The following DCC variants were observed in gnomAD, a reference collection of about 807,000 sequenced individuals.
DCC encodes the protein DCC netrin 1 receptor.
DCC carries 58 observed loss-of-function variants against 172.5 expected under a neutral mutation model. The ratio of observed to expected loss-of-function variants is 0.34; its 90% CI spans 0.27 to 0.42. DCC has a LOEUF of 0.42. Among genes scored for constraint, DCC ranks in the 10% least tolerant of loss-of-function variants. The probability of loss-of-function intolerance (pLI) is 1.00; values close to 1 mark genes in which losing one functional copy is unlikely to be tolerated. For synonymous variants in DCC, 709 were observed against 644.5 expected, an observed-to-expected ratio of 1.10 and a Z score of -1.52; for missense variants, 1,740 against 1,791.0, an observed-to-expected ratio of 0.97 and a Z score of 0.51.
chr18:52,866,895 G>T (rs890725701), intron 2 of DCC, among the ~76,000 whole-genome samples: 6 of 151,942 alleles, frequency 3.9e-5, no homozygotes, highest in Non-Finnish European at 8.8e-5. Flanking sequence ...TGATTGCCCT[G>T]GCCAGCACTT....
chr18:52,687,312 C>G (rs1374862014), intron 1 of DCC, among the ~76,000 whole-genome samples: 1 of 120,474 alleles, frequency 8.3e-6, no homozygotes, highest in Non-Finnish European at 1.6e-5. Flanking sequence ...GAGAGTAAGT[C>G]TTGCTCTTGT....
chr18:53,156,152 C>A (rs190084352), intron 7 of DCC, among the ~76,000 whole-genome samples: 1 of 152,246 alleles, frequency 6.6e-6, no homozygotes, highest in Non-Finnish European at 1.5e-5. Flanking sequence ...ATCTTTTCTA[C>A]TATGAAACAT....
chr18:52,864,715 G>A (rs2039193665), intron 2 of DCC, among the ~76,000 whole-genome samples: 1 of 151,654 alleles, frequency 6.6e-6, no homozygotes, highest in Admixed American at 6.6e-5. Context: ...CCCAGTGTGT[G>A]TTGTTCCCCT....
rs534988286 is a variant in DCC at position 53,341,781 on chromosome 18, G to A, written c.2359+1874G>A. Among the ~76,000 whole-genome samples the A allele has an allele frequency of 1.6e-4, 24 of 152,158 alleles. No individual in the cohort carries two copies. In the South Asian group the frequency reaches 5.0e-3, roughly 32 times the overall value. On this transcript the variant is annotated intron_variant, in intron 15 of 28. Transcript: ENST00000442544. Reference sequence around the variant, plus strand: ...AAGCTCTAATCTTTATAAAGATAAGGATTTATTCAAGTCCACGTTCATGCT... The same window carrying A: ...AAGCTCTAATCTTTATAAAGATAAGAATTTATTCAAGTCCACGTTCATGCT...
chr18:53,410,891 T>A (rs1026933187), intron 20 of DCC, among the ~76,000 whole-genome samples: 3 of 152,192 alleles, frequency 2.0e-5, no homozygotes, highest in Non-Finnish European at 4.4e-5. Flanking sequence ...TAGAAGTTTA[T>A]TGATGTCATG....
chr18:52,502,780 C>T (rs1179631208), intron 1 of DCC, among the ~76,000 whole-genome samples: 1 of 152,142 alleles, frequency 6.6e-6, no homozygotes, highest in Non-Finnish European at 1.5e-5. Flanking sequence ...TTCTAAAAGC[C>T]CCGAGGCGGG....
At chr18:53,182,505 T>A (rs575549468) in intron 9 of DCC, among the ~76,000 whole-genome samples, 1 of 152,224 alleles carries the variant, frequency 6.6e-6, no homozygotes, top group Admixed American at 6.5e-5. Context: ...GAATATCCTT[T>A]ACATGTGCAA....
At chr18:53,468,123 A>T in intron 25 of DCC, 113 bp downstream of exon 25, 2 of 716,268 alleles carry the variant, frequency 2.8e-6, no homozygotes, top group Non-Finnish European at 5.1e-6. Context: ...CTTTCTGGAC[A>T]AATGGAAATG....
rs753714005 is a variant in DCC, at chr18:53,391,885, A to G, written c.2686A>G (p.Lys896Glu). Residue 896 changes from lysine to glutamate, a missense_variant and splice_region_variant, in exon 17 of 29, where the codon AAG becomes GAG. Physicochemically the swap from Lys to Glu is moderately conservative, Grantham distance 56 (BLOSUM62 1). Transcript: ENST00000442544. ...RTSFSASAKYKSEDTTSLSYT... is the reference protein window; with the variant it reads ...RTSFSASAKYESEDTTSLSYT... ...CAGCTTTTCTGCAAGTGCAAAATAC[A>G]AGGTGAAGTTCTAATTGATAGCATG... The G allele has an allele frequency of 1.3e-6, 2 of 1,533,128 alleles. No homozygotes were observed. The highest frequency in any genetic ancestry group is 1.8e-6 in the Non-Finnish European group (2 of 1,105,912). The allele number at this position is 1,533,128 out of a possible 1,614,324, so 95.0% of individuals were successfully genotyped here. A position where few individuals can be genotyped will look rare whatever the true frequency, so the allele number is the denominator to read the frequency against.
intron 16 of DCC, among the ~76,000 whole-genome samples, chr18:53,386,911 A>G (rs1037195465): frequency 2.0e-5 from 3 of 152,214 alleles, no homozygotes; most frequent in African/African-American, 7.2e-5. Context: ...GTCCCTGGAA[A>G]GTCACTTGAC....
intron 2 of DCC, among the ~76,000 whole-genome samples, chr18:52,894,538 T>C (rs1164909321): frequency 1.3e-5 from 2 of 151,708 alleles, no homozygotes; most frequent in Non-Finnish European, 2.9e-5. Flanking sequence ...GAAAGATAAA[T>C]AGAGACAGAG....
intron 1 of DCC, among the ~76,000 whole-genome samples, chr18:52,497,280 A>AAATAT (rs1555689730): frequency 4.6e-5 from 1 of 21,574 alleles, no homozygotes; most frequent in Non-Finnish European, 1.1e-4. Context: ...AAAAAAAAAA[A>AAATAT]ATATATATAT....
chr18:52,892,930 A>G (rs180975215), intron 2 of DCC, among the ~76,000 whole-genome samples: 1 of 152,274 alleles, frequency 6.6e-6, no homozygotes, highest in African/African-American at 2.4e-5. Context: ...TTTAATCTAA[A>G]TTATTATTTC....
At chr18:52,634,262 C>T (rs1025710698) in intron 1 of DCC, among the ~76,000 whole-genome samples, 2 of 152,194 alleles carry the variant, frequency 1.3e-5, no homozygotes, top group Non-Finnish European at 2.9e-5. Context: ...ACTTTTTAAG[C>T]ATGCTACTGT....
intron 7 of DCC, among the ~76,000 whole-genome samples, chr18:53,100,561 GAGT>G: frequency 6.6e-6 from 1 of 151,758 alleles, no homozygotes; most frequent in East Asian, 1.9e-4. Context: ...GGAAGAAAGG[GAGT>G]AGAGTCAGAG....
intron 12 of DCC, among the ~76,000 whole-genome samples, chr18:53,269,135 T>C (rs1477434421): frequency 1.3e-5 from 2 of 152,122 alleles, no homozygotes; most frequent in Non-Finnish European, 2.9e-5. Flanking sequence ...CCTGTGGGTA[T>C]ATGTGCACTT....
intron 7 of DCC, among the ~76,000 whole-genome samples, chr18:53,145,559 C>G (rs1307587970): frequency 1.3e-5 from 2 of 152,118 alleles, no homozygotes; most frequent in Non-Finnish European, 2.9e-5. Flanking sequence ...GTGCCTTAAT[C>G]TTGGGCTTCC....
At chr18:53,204,549 GAAAAA>G (rs71175567) in intron 9 of DCC, among the ~76,000 whole-genome samples, 14 of 140,290 alleles carry the variant, frequency 1.0e-4, no homozygotes, top group African/African-American at 3.4e-4. Context: ...TCTGTTTCTG[GAAAAA>G]AAAAAAAAAA....
Position 53,108,209 on chromosome 18 carries a change from C to T in DCC, c.1261+42043C>T, listed in dbSNP as rs111481855. ...CACACACACACAATGGAGGCAGCTC[C>T]ATCAATTCTCACTTAATTCCTTTGA... On this transcript the variant is annotated intron_variant, in intron 7 of 28. Coordinates refer to ENST00000442544, the MANE Select transcript of DCC (RefSeq NM_005215.4). Among the ~76,000 whole-genome samples the T allele has an allele frequency of 7.9e-3, 1,198 of 151,680 alleles. 17 individuals are homozygous for T. The highest frequency in any genetic ancestry group is 0.027 in the African/African-American group (1,116 of 41,440).
Sources: gnomAD v4.1 joint callset for allele counts (sites outside exome capture counted in the v4.1 genomes callset) on GRCh38, gnomAD v4.1.1 for gene constraint, MANE v1.5 for transcripts, NCBI Gene and HGNC (gene_info 2026-07-23, HGNC 2026-07-21) for gene names.